PRAG1: variants seen among roughly 807,000 people sequenced by gnomAD.
PRAG1 encodes the protein inactive tyrosine-protein kinase PRAG1.
A neutral mutation model predicts 95.6 loss-of-function variants in PRAG1; 110 were observed. The observed-to-expected ratio is 1.15, with a 90% CI of 0.99 to 1.35. The LOEUF is 1.35. Among genes scored for constraint, PRAG1 ranks in the 40% most tolerant of loss-of-function variants. PRAG1 has a pLI of 0.00. For synonymous variants in PRAG1, 1,052 were observed against 819.4 expected (o/e 1.28, Z -4.85); for missense variants, 2,554 against 1,864.7 (o/e 1.37, Z -6.81).
intron 3 of PRAG1, among the ~76,000 whole-genome samples, chr8:8,368,566 G>A (rs1585266537): frequency 1.3e-5 from 2 of 152,198 alleles, no homozygotes; most frequent in Non-Finnish European, 2.9e-5. Context: ...GATCTTTAAT[G>A]AGGGCATTAA....
chr8:8,321,888 T>C (rs1378928966), intron 5 of PRAG1, among the ~76,000 whole-genome samples: 2 of 152,208 alleles, frequency 1.3e-5, no homozygotes, highest in Non-Finnish European at 2.9e-5. Flanking sequence ...CTAGGGGAAA[T>C]ACAAGGTAAG....
chr8:8,373,601 C>G (rs1423428478), intron 3 of PRAG1, among the ~76,000 whole-genome samples: 1 of 152,062 alleles, frequency 6.6e-6, no homozygotes, highest in Non-Finnish European at 1.5e-5. Context: ...AGGCATGTGC[C>G]ACCATCCCTG....
Position 8,376,264 on chromosome 8 carries a change from A to T in PRAG1, c.2145T>A (p.Pro715=). The T allele has an allele frequency of 6.2e-7, 1 of 1,613,620 alleles. No homozygotes were observed. The highest frequency in any genetic ancestry group is 1.3e-5 in the African/African-American group (1 of 75,022). Residue 715 remains proline, a synonymous_variant, in exon 3 of 6, where the codon CCT becomes CCA. Coordinates refer to ENST00000615670, the MANE Select transcript of PRAG1 (RefSeq NM_001080826.3). Reference sequence around the variant, plus strand: ...GTACTCACCGCGACTTTGGAGGCGGAGGAGGAGGTGAGAATGTCTCAATCC... The same window carrying T: ...GTACTCACCGCGACTTTGGAGGCGGTGGAGGAGGTGAGAATGTCTCAATCC... ...RSGIETFSPP[P]PPPKSRHLLK...
chr8:8,350,285 G>GT, intron 3 of PRAG1, among the ~76,000 whole-genome samples: 1 of 152,140 alleles, frequency 6.6e-6, no homozygotes. Flanking sequence ...ACAGGGAGAT[G>GT]GAGCTGCTGA....
chr8:8,358,087 T>C (rs1338595268), intron 3 of PRAG1, among the ~76,000 whole-genome samples: 1 of 152,190 alleles, frequency 6.6e-6, no homozygotes, highest in Non-Finnish European at 1.5e-5. Context: ...AAAGCCCAGG[T>C]TGTTTTATCT....
At chr8:8,367,724 C>T (rs187197474) in intron 3 of PRAG1, among the ~76,000 whole-genome samples, 3 of 152,110 alleles carry the variant, frequency 2.0e-5, no homozygotes, top group Non-Finnish European at 4.4e-5. Flanking sequence ...TCACTGCAAG[C>T]TCCGCCTCCT....
In PRAG1 at chr8:8,318,766, C is replaced by A; in HGVS notation, c.3609G>T (p.Gly1203=). Residue 1203 remains glycine, a synonymous_variant, in exon 6 of 6, where the codon GGG becomes GGT. Transcript: ENST00000615670. This position sits in a 1 kb window ranked among gnomAD's most constrained non-coding sequence, Gnocchi z 4.2. ...SPAAGPASPE[G]PREKQLPRLI... is the part of the protein sequence containing the mutation. ...GCCGGGGCAGCTGCTTCTCCCGGGGCCCTTCCGGGGAGGCGGGGCCGGCTG... is the reference window on the plus strand; with the variant it reads ...GCCGGGGCAGCTGCTTCTCCCGGGGACCTTCCGGGGAGGCGGGGCCGGCTG... 1 of 1,576,432 alleles carries A rather than the reference C, an allele frequency of 6.3e-7. No individual in the cohort carries two copies. Among genetic ancestry groups the A allele is most frequent in the Non-Finnish European group, 8.6e-7 (1 of 1,160,812 alleles).
chr8:8,322,704 C>A (rs1798512114), intron 5 of PRAG1, among the ~76,000 whole-genome samples: 1 of 152,190 alleles, frequency 6.6e-6, no homozygotes, highest in South Asian at 2.1e-4. Flanking sequence ...GCTTCGTCTG[C>A]ATGATAAAGT....
Position 8,381,753 on chromosome 8 carries a change from G to A in PRAG1, c.-6C>T. On this transcript the variant is annotated 5_prime_UTR_variant, in exon 2 of 6. Coordinates refer to ENST00000615670, the MANE Select transcript of PRAG1 (RefSeq NM_001080826.3). ...AGGCAGAGGGTCTGGTGCATCTTGA[G>A]CCGACAGGGTGCTGGTTCATCTTGC... is the stretch of plus-strand genomic sequence containing the variant. The A allele has an allele frequency of 3.2e-6, 5 of 1,570,006 alleles. No individual in the cohort carries two copies. The highest frequency in any genetic ancestry group is 4.3e-6 in the Non-Finnish European group (5 of 1,153,540).
At position 8,377,126 on chromosome 8, in the gene PRAG1, T is replaced by G. The variant is rs771932230; in HGVS notation, c.1283A>C (p.Lys428Thr). The G allele has an allele frequency of 1.1e-5, 17 of 1,612,904 alleles. No individual in the cohort carries two copies. The highest frequency in any genetic ancestry group is 1.3e-5 in the Non-Finnish European group (15 of 1,180,022). ...TGCATGTTCTATCTTGGCCTGTGAC[T>G]TGGAAGGCACCGGAGCTGCCTTCTT... ...KRKKAAPVPS[K>T]SQAKIEHAAA... is the part of the protein sequence containing the mutation. The change falls in exon 3 of 6, where the codon AAG becomes ACG. Residue 428 changes from lysine to threonine, a missense_variant. Coordinates refer to ENST00000615670, the MANE Select transcript of PRAG1 (RefSeq NM_001080826.3).
In PRAG1 at chr8:8,378,000, G is replaced by C. The variant is rs56290960; in HGVS notation, c.409C>G (p.Arg137Gly). 13,020 of 1,603,480 alleles carry C rather than the reference G, an allele frequency of 8.1e-3. 59 individuals are homozygous for C. Among genetic ancestry groups the C allele is most frequent in the Middle Eastern group, 0.01 (63 of 6,002 alleles). The change falls in exon 3 of 6, where the codon CGA (arginine) becomes GGA (glycine). Residue 137 changes from arginine to glycine, a missense_variant. Transcript: ENST00000615670. Reference sequence around the variant, plus strand: ...GGACCAGCAGGCTTCTGTACACCTCGGAAGCTGCCCAGGTAGACGACGGGG... The same window carrying C: ...GGACCAGCAGGCTTCTGTACACCTCCGAAGCTGCCCAGGTAGACGACGGGG... ...DAPVVYLGSF[R>G]GVQKPAGPST...
intron 5 of PRAG1, among the ~76,000 whole-genome samples, chr8:8,325,594 G>A (rs1049121722): frequency 2.0e-5 from 3 of 152,270 alleles, no homozygotes; most frequent in Middle Eastern, 3.4e-3. Context: ...AAGCTGCACA[G>A]CACAATTATT....
intron 3 of PRAG1, among the ~76,000 whole-genome samples, chr8:8,346,684 A>G (rs1282321148): frequency 6.6e-6 from 1 of 152,196 alleles, no homozygotes; most frequent in Non-Finnish European, 1.5e-5. Flanking sequence ...AATGCCCACA[A>G]TCCTTAACGG....
intron 1 of PRAG1, among the ~76,000 whole-genome samples, chr8:8,385,242 G>C (rs1800810087): frequency 1.3e-5 from 2 of 152,108 alleles, no homozygotes; most frequent in East Asian, 3.9e-4. Flanking sequence ...CACTGGCCAG[G>C]GCTGACCAGG....
At chr8:8,350,891 G>A (rs558715817) in intron 3 of PRAG1, among the ~76,000 whole-genome samples, 6 of 138,404 alleles carry the variant, frequency 4.3e-5, no homozygotes, top group Non-Finnish European at 6.2e-5. Context: ...GAAAGTGCTC[G>A]TTAAATGGAT....
chr8:8,333,069 C>A (rs1798873252), intron 4 of PRAG1, among the ~76,000 whole-genome samples: 1 of 152,226 alleles, frequency 6.6e-6, no homozygotes, highest in African/African-American at 2.4e-5. Flanking sequence ...AGACTTGGAT[C>A]CCAAGGGACA....
At chr8:8,359,344 G>T (rs1227292234) in intron 3 of PRAG1, among the ~76,000 whole-genome samples, 2 of 152,174 alleles carry the variant, frequency 1.3e-5, no homozygotes, top group Non-Finnish European at 2.9e-5. Context: ...CTAATTCCCA[G>T]ATGCATGGTA....
chr8:8,384,206 C>T (rs1231559687), intron 1 of PRAG1, among the ~76,000 whole-genome samples: 1 of 152,104 alleles, frequency 6.6e-6, no homozygotes, highest in Non-Finnish European at 1.5e-5. Flanking sequence ...CTTATTGCCT[C>T]CTCAACAGGC....
Position 8,318,520 on chromosome 8 carries a change from C to A in PRAG1, c.3855G>T (p.Glu1285Asp). The A allele has an allele frequency of 1.9e-6, 3 of 1,612,294 alleles. No individual in the cohort carries two copies. Among genetic ancestry groups the A allele is most frequent in the Non-Finnish European group, 2.5e-6 (3 of 1,179,704 alleles). Residue 1285 changes from glutamate to aspartate, a missense_variant, in exon 6 of 6, where the codon GAG becomes GAT. Physicochemically the swap from Glu to Asp is conservative, Grantham distance 45. Coordinates refer to ENST00000615670, the MANE Select transcript of PRAG1 (RefSeq NM_001080826.3). This position sits in a 1 kb window ranked among gnomAD's most constrained non-coding sequence, Gnocchi z 4.2. ...AQLRERDYRQEDLPPLPALSL... is the reference protein window; with the variant it reads ...AQLRERDYRQDDLPPLPALSL... ...ACAGCGCGGGCAGCGGCGGCAGGTCCTCCTGCCGGTAGTCTCTCTCCCGCA... is the reference window on the plus strand; with the variant it reads ...ACAGCGCGGGCAGCGGCGGCAGGTCATCCTGCCGGTAGTCTCTCTCCCGCA...
Sources: gnomAD v4.1 joint callset for allele counts (sites outside exome capture counted in the v4.1 genomes callset) on GRCh38, gnomAD v4.1.1 for gene constraint, Gnocchi (gnomAD v3.1) non-coding constraint, MANE v1.5 for transcripts, NCBI Gene and HGNC (gene_info 2026-07-23, HGNC 2026-07-21) for gene names.